The following COL19A1 variants were observed in gnomAD, a reference collection of about 807,000 sequenced individuals.
The protein encoded by COL19A1 is collagen alpha-1(XIX) chain.
In COL19A1, 159 loss-of-function variants were observed where a neutral mutation model predicts 190.2. That is an observed-to-expected ratio of 0.84 (90% CI 0.73 to 0.95). The LOEUF is 0.95. Ranked by LOEUF, COL19A1 falls within the 40% of genes least tolerant of loss-of-function variation. COL19A1 has a pLI of 0.00. For missense variants in COL19A1, 1,418 were observed against 1,431.9 expected, an observed-to-expected ratio of 0.99 and a Z score of 0.16; for synonymous variants, 509 against 458.9, an observed-to-expected ratio of 1.11 and a Z score of -1.39.
chr6:70,195,799 T>A (rs1767161127), intron 48 of COL19A1, among the ~76,000 whole-genome samples: 1 of 152,242 alleles, frequency 6.6e-6, no homozygotes, highest in African/African-American at 2.4e-5. Flanking sequence ...CCTCTACTTC[T>A]AGTCTAAGAG....
chr6:69,888,757 G>A (rs1207992649), intron 2 of COL19A1, among the ~76,000 whole-genome samples: 4 of 144,006 alleles, frequency 2.8e-5, no homozygotes, highest in Non-Finnish European at 6.0e-5. Context: ...CATCCTGGTC[G>A]ACAGAGTGAG....
chr6:69,993,478 A>C (rs1393910217), intron 11 of COL19A1, among the ~76,000 whole-genome samples: 1 of 152,122 alleles, frequency 6.6e-6, no homozygotes. Context: ...TCATAGGATG[A>C]GTTAGGGAGG....
chr6:69,936,151 T>C (rs767420065), intron 7 of COL19A1, among the ~76,000 whole-genome samples: 1 of 152,138 alleles, frequency 6.6e-6, no homozygotes, highest in African/African-American at 2.4e-5. Flanking sequence ...TAAAAAATGT[T>C]CGTTGCTTTG....
intron 12 of COL19A1, among the ~76,000 whole-genome samples, chr6:70,033,778 G>A (rs946436066): frequency 6.6e-6 from 1 of 152,134 alleles, no homozygotes; most frequent in South Asian, 2.1e-4. Context: ...GATAGCAAAA[G>A]AATACATCTT....
chr6:70,163,083 T>A (rs1035044260), intron 35 of COL19A1, among the ~76,000 whole-genome samples: 4 of 152,166 alleles, frequency 2.6e-5, no homozygotes, highest in Non-Finnish European at 5.9e-5. Context: ...GATTCTTAAG[T>A]GTATCAAAAG....
At chr6:69,965,631 A>G (rs1173498273) in intron 11 of COL19A1, among the ~76,000 whole-genome samples, 1 of 152,240 alleles carries the variant, frequency 6.6e-6, no homozygotes, top group African/African-American at 2.4e-5. Flanking sequence ...AACAAACACA[A>G]TTCAGCCAAA....
chr6:70,055,357 A>G (rs1339469644), intron 14 of COL19A1, among the ~76,000 whole-genome samples: 1 of 152,006 alleles, frequency 6.6e-6, no homozygotes, highest in African/African-American at 2.4e-5. Context: ...AAAATTACAC[A>G]TGTACCAGGT....
At chr6:70,079,074 G>A (rs531014831) in intron 15 of COL19A1, among the ~76,000 whole-genome samples, 1 of 152,126 alleles carries the variant, frequency 6.6e-6, no homozygotes, top group African/African-American at 2.4e-5. Flanking sequence ...TCAAAGAAAA[G>A]AAAACTATTC....
intron 40 of COL19A1, among the ~76,000 whole-genome samples, chr6:70,169,202 A>G (rs1765352676): frequency 6.6e-6 from 1 of 152,168 alleles, no homozygotes; most frequent in Non-Finnish European, 1.5e-5. Flanking sequence ...GAAGGAGATC[A>G]TGTCCTCCAG....
chr6:70,040,478 C>T (rs1219452903), intron 14 of COL19A1, among the ~76,000 whole-genome samples: 2 of 152,168 alleles, frequency 1.3e-5, no homozygotes, highest in Non-Finnish European at 1.5e-5. Context: ...TCCTCACTCT[C>T]TAATATATAA....
At chr6:70,046,655 C>CTAATGAT (rs1779935460) in intron 14 of COL19A1, among the ~76,000 whole-genome samples, 1 of 148,818 alleles carries the variant, frequency 6.7e-6, no homozygotes, top group Non-Finnish European at 1.5e-5. Flanking sequence ...TGTGATTTGT[C>CTAATGAT]TAATGATTAT....
chr6:70,150,232 T>C (rs1302880001), intron 30 of COL19A1, among the ~76,000 whole-genome samples, 187 bp downstream of exon 30: 1 of 152,180 alleles, frequency 6.6e-6, no homozygotes, highest in East Asian at 1.9e-4. Flanking sequence ...GTGTGTGTGA[T>C]GAATACTTAT....
chr6:70,043,258 C>A (rs1779725816), intron 14 of COL19A1, among the ~76,000 whole-genome samples: 1 of 150,072 alleles, frequency 6.7e-6, no homozygotes, highest in African/African-American at 2.5e-5. Context: ...GTGGCGCGAT[C>A]TCGGCTCACT....
At chr6:70,060,301 A>T (rs1780747117) in intron 14 of COL19A1, among the ~76,000 whole-genome samples, 1 of 152,118 alleles carries the variant, frequency 6.6e-6, no homozygotes, top group African/African-American at 2.4e-5. Context: ...CTTCTTTACA[A>T]TATGCCAAAT....
In COL19A1 at chr6:70,207,387, T is replaced by TC. The variant is rs1491171818; in HGVS notation, c.*113_*114insC. On this transcript the variant is annotated 3_prime_UTR_variant, in exon 51 of 51. Coordinates refer to ENST00000620364, the MANE Select transcript of COL19A1 (RefSeq NM_001858.6). ...TGCTTTTTTTTTTTTTTTTTTTTTT[T>TC]GGGAGTAAGCCAGGCATTAAAAGCA... is the stretch of plus-strand genomic sequence containing the variant. The TC allele has an allele frequency of 1.1e-4, 93 of 848,440 alleles. No homozygotes were observed. The African/African-American group carries it at 1.5e-3, about 14-fold the overall frequency. 52.6% of individuals were successfully genotyped at this position (848,440 alleles called of 1,614,324 possible).
At chr6:70,144,183 C>G in intron 23 of COL19A1, 27 bp from the exon 24 acceptor site, 1 of 1,597,826 alleles carries the variant, frequency 6.3e-7, no homozygotes, top group Non-Finnish European at 8.6e-7. Flanking sequence ...TCTCATTACT[C>G]TTTCCTATTA....
At chr6:70,129,757 G>A (rs1785410055) in intron 17 of COL19A1, among the ~76,000 whole-genome samples, 3 of 152,196 alleles carry the variant, frequency 2.0e-5, no homozygotes. Flanking sequence ...GTAGTTACAG[G>A]CAAGGTCACT....
intron 4 of COL19A1, among the ~76,000 whole-genome samples, chr6:69,921,443 A>AT (rs1249566111): frequency 0.02 from 1,726 of 88,458 alleles, 59 homozygotes; most frequent in South Asian, 0.056. Context: ...TATCATATAT[A>AT]TCATATATCA....
At chr6:69,998,535 A>G (rs937401718) in intron 11 of COL19A1, among the ~76,000 whole-genome samples, 1 of 151,524 alleles carries the variant, frequency 6.6e-6, no homozygotes, top group African/African-American at 2.4e-5. Flanking sequence ...AATCCCAGCA[A>G]CTCAGGAGGC....
Sources: allele counts gnomAD v4.1 joint callset (sites outside exome capture counted in the v4.1 genomes callset), GRCh38; gene constraint gnomAD v4.1.1; transcripts MANE v1.5; gene names NCBI Gene and HGNC (gene_info 2026-07-23, HGNC 2026-07-21).